The following TNR variants were observed in gnomAD, a reference collection of about 807,000 sequenced individuals.
TNR encodes the protein tenascin R.
Under a neutral mutation model 150.4 loss-of-function variants are expected in TNR, and 45 were observed. That is an observed-to-expected ratio of 0.30 (90% CI 0.24 to 0.38). The LOEUF (loss-of-function observed/expected upper bound fraction) is 0.38. Ranked by LOEUF, TNR falls within the 10% of genes least tolerant of loss-of-function variation. The pLI is 1.00. For missense variants in TNR, 1,544 were observed against 1,759.1 expected (o/e 0.88, Z 2.19); for synonymous variants, 687 against 678.4 (o/e 1.01, Z -0.20).
chr1:175,726,569 G>T (rs1162838531), intron 1 of TNR, among the ~76,000 whole-genome samples: 1 of 152,256 alleles, frequency 6.6e-6, no homozygotes, highest in African/African-American at 2.4e-5. Flanking sequence ...TGTGGTCAGA[G>T]AAAGTACCTC....
At chr1:175,623,556 C>A (rs185723670) in intron 1 of TNR, among the ~76,000 whole-genome samples, 6 of 152,176 alleles carry the variant, frequency 3.9e-5, no homozygotes, top group Non-Finnish European at 7.4e-5. Context: ...CATCAAGCCC[C>A]GTGGGACACC....
intron 1 of TNR, among the ~76,000 whole-genome samples, chr1:175,560,525 T>G (rs1429609922): frequency 6.6e-6 from 1 of 152,242 alleles, no homozygotes; most frequent in Admixed American, 6.5e-5. Context: ...ACTAGCAATC[T>G]GGTGGAATAT....
intron 1 of TNR, among the ~76,000 whole-genome samples, chr1:175,655,263 T>A (rs1375225865): frequency 7.2e-5 from 11 of 152,224 alleles, no homozygotes; most frequent in Non-Finnish European, 1.5e-4. Flanking sequence ...TTCTAAACCA[T>A]CCTTGTTGAT....
chr1:175,555,851 G>C (rs190907619), intron 1 of TNR, among the ~76,000 whole-genome samples: 15 of 152,186 alleles, frequency 9.9e-5, no homozygotes, highest in Non-Finnish European at 1.0e-4. Flanking sequence ...TGGCTAGAAG[G>C]CTCCTTCCAA....
At chr1:175,622,388 G>C (rs908737497) in intron 1 of TNR, among the ~76,000 whole-genome samples, 4 of 152,166 alleles carry the variant, frequency 2.6e-5, no homozygotes, top group Admixed American at 2.6e-4. Context: ...CAGGTGACCT[G>C]GTCCCTCCTT....
chr1:175,670,771 C>T (rs886262956), intron 1 of TNR, among the ~76,000 whole-genome samples: 3 of 152,066 alleles, frequency 2.0e-5, no homozygotes, highest in Non-Finnish European at 2.9e-5. Flanking sequence ...GATGTGGATA[C>T]GGGAGGGTCG....
rs141803520 is a variant in TNR, at chr1:175,638,929, G to A, written c.-165+104297C>T. ...TTATTAAATGAAATATTTTCTTTGG[G>A]TTGCCCAAACCAAAATCTTAGAATC... On this transcript the variant is annotated intron_variant, in intron 1 of 22. Coordinates refer to ENST00000367674, the MANE Select transcript of TNR (RefSeq NM_003285.3). 1.4e-3 allele frequency among the ~76,000 whole-genome samples: 215 copies of A among 151,724 alleles called. 1 individual carries two copies. Among genetic ancestry groups the A allele is most frequent in the African/African-American group, 5.0e-3 (207 of 41,332 alleles).
rs1040618010 is a variant in TNR, at chr1:175,394,886, C to T, written c.1241-991G>A. 2.0e-5 allele frequency among the ~76,000 whole-genome samples: 3 copies of T among 152,266 alleles called. No individual in the cohort carries two copies. In the South Asian group the frequency reaches 6.2e-4, roughly 32 times the overall value. ...TAATAAATGCCACAGGAGATGGAAACCTCATCACTGTGCATGCATGTGGAT... is the reference window on the plus strand; with the variant it reads ...TAATAAATGCCACAGGAGATGGAAATCTCATCACTGTGCATGCATGTGGAT... On this transcript the variant is annotated intron_variant, in intron 5 of 22. Coordinates refer to ENST00000367674, the MANE Select transcript of TNR (RefSeq NM_003285.3).
At chr1:175,728,365 A>G (rs1468295478) in intron 1 of TNR, among the ~76,000 whole-genome samples, 1 of 152,204 alleles carries the variant, frequency 6.6e-6, no homozygotes, top group Non-Finnish European at 1.5e-5. Context: ...AAGGTCAAGG[A>G]TATGGTCAGG....
chr1:175,348,091 G>A (rs1262607595), intron 18 of TNR, among the ~76,000 whole-genome samples: 1 of 151,854 alleles, frequency 6.6e-6, no homozygotes, highest in Non-Finnish European at 1.5e-5. Flanking sequence ...AAAAATTAAT[G>A]GTATTTTTCT....
At chr1:175,353,387 A>T (rs1651157304) in intron 18 of TNR, among the ~76,000 whole-genome samples, 1 of 152,238 alleles carries the variant, frequency 6.6e-6, no homozygotes, top group South Asian at 2.1e-4. Context: ...AGTAACTCTC[A>T]AAAGTCAGAT....
intron 1 of TNR, among the ~76,000 whole-genome samples, chr1:175,657,935 A>T (rs775559003): frequency 0.011 from 321 of 28,294 alleles, 2 homozygotes; most frequent in Non-Finnish European, 0.018. Context: ...AAAGTATAAT[A>T]AAAAAAAAAA....
At chr1:175,483,617 A>G (rs1657892913) in intron 2 of TNR, among the ~76,000 whole-genome samples, 3 of 152,206 alleles carry the variant, frequency 2.0e-5, no homozygotes, top group Non-Finnish European at 4.4e-5. Context: ...AGAGAGAGAC[A>G]CTGAGCGATT....
chr1:175,456,303 G>C (rs759852752), intron 2 of TNR, among the ~76,000 whole-genome samples: 1 of 152,100 alleles, frequency 6.6e-6, no homozygotes, highest in Non-Finnish European at 1.5e-5. Flanking sequence ...TATTTAAAGC[G>C]GACTCTTCCC....
chr1:175,682,081 T>A (rs1447321854), intron 1 of TNR, among the ~76,000 whole-genome samples: 1 of 152,166 alleles, frequency 6.6e-6, no homozygotes, highest in Non-Finnish European at 1.5e-5. Flanking sequence ...AGCATAAGGA[T>A]GGTTTTAATC....
intron 9 of TNR, among the ~76,000 whole-genome samples, chr1:175,369,837 G>C (rs1259786440): frequency 1.1e-4 from 17 of 152,206 alleles, no homozygotes. Context: ...CAAGAGGAAT[G>C]CTGCCTGGCA....
At chr1:175,413,812 C>T (rs888478871) in intron 2 of TNR, among the ~76,000 whole-genome samples, 4 of 152,148 alleles carry the variant, frequency 2.6e-5, no homozygotes, top group Non-Finnish European at 5.9e-5. Context: ...GCAAAACCCT[C>T]ATGAATGGGA....
At chr1:175,558,237 C>A (rs1449037561) in intron 1 of TNR, among the ~76,000 whole-genome samples, 7 of 141,604 alleles carry the variant, frequency 4.9e-5, no homozygotes, top group East Asian at 2.1e-4. Context: ...CTAACCTGCA[C>A]AATATGCACA....
At chr1:175,714,277 C>T (rs762658409) in intron 1 of TNR, among the ~76,000 whole-genome samples, 4 of 152,060 alleles carry the variant, frequency 2.6e-5, no homozygotes, top group Non-Finnish European at 5.9e-5. Flanking sequence ...TCAGATGGCA[C>T]CAGAAGCCAA....
Sources: allele counts gnomAD v4.1 joint callset (sites outside exome capture counted in the v4.1 genomes callset), GRCh38; gene constraint gnomAD v4.1.1; transcripts MANE v1.5; gene names NCBI Gene and HGNC (gene_info 2026-07-23, HGNC 2026-07-21).